The following TRIM34 variants were observed in gnomAD, a reference collection of about 807,000 sequenced individuals.
TRIM34 encodes tripartite motif containing 34.
Under a neutral mutation model 38.1 loss-of-function variants are expected in TRIM34, and 41 were observed. The ratio of observed to expected loss-of-function variants is 1.08; its 90% CI spans 0.84 to 1.40. The LOEUF is 1.40. Among genes scored for constraint, TRIM34 ranks in the 40% most tolerant of loss-of-function variants. TRIM34 has a pLI of 0.00. For synonymous variants in TRIM34, 200 were observed against 202.5 expected (o/e 0.99, Z 0.10); for missense variants, 556 against 571.4 (o/e 0.97, Z 0.27).
intron 6 of TRIM34, 23 bp from the exon 7 acceptor site, chr11:5,642,794 C>T: frequency 6.2e-7 from 1 of 1,613,882 alleles, no homozygotes; most frequent in Non-Finnish European, 8.5e-7. Context: ...TAATCAGCAT[C>T]ACTGAATCTT....
chr11:5,635,890 T>C (rs1286269453), intron 4 of TRIM34, among the ~76,000 whole-genome samples: 1 of 152,208 alleles, frequency 6.6e-6, no homozygotes, highest in Non-Finnish European at 1.5e-5. Flanking sequence ...CAATACCAAG[T>C]GTTTGGGAAG....
Position 5,643,498 on chromosome 11 carries a change from C to G in TRIM34, c.1256C>G (p.Pro419Arg). Residue 419 changes from proline (P) to arginine (R), a missense_variant, in exon 8 of 8, where the codon CCC becomes CGC. By Grantham distance (103) the Pro-to-Arg change is moderately radical (BLOSUM62 -2). Coordinates refer to ENST00000429814, the MANE Select transcript of TRIM34 (RefSeq NM_021616.6). The part of the protein sequence containing the change: ...GVFEESLSSD[P>R]EVLTLSMAVP... The stretch of plus-strand genomic sequence containing the variant: ...TTTGAAGAGTCTTTGTCCTCTGATC[C>G]CGAGGTTTTGACTCTCTCCATGGCT... The G allele has an allele frequency of 6.2e-7, 1 of 1,614,074 alleles. No homozygotes were observed. Among genetic ancestry groups the G allele is most frequent in the Non-Finnish European group, 8.5e-7 (1 of 1,180,006 alleles).
At chr11:5,622,334 A>C (rs187517419), upstream of TRIM34, among the ~76,000 whole-genome samples, 132 of 152,150 alleles carry the variant, frequency 8.7e-4, no homozygotes, top group African/African-American at 2.6e-3. Flanking sequence ...AGTCCCGGCT[A>C]CTTGGGAGGC....
At chr11:5,639,270 G>T (rs1310279245) in intron 4 of TRIM34, among the ~76,000 whole-genome samples, 2 of 152,106 alleles carry the variant, frequency 1.3e-5, no homozygotes, top group African/African-American at 2.4e-5. Context: ...GAAACTGATT[G>T]TTCTGGTTGC....
intron 4 of TRIM34, among the ~76,000 whole-genome samples, chr11:5,636,299 T>C (rs1849731872): frequency 6.6e-6 from 1 of 152,196 alleles, no homozygotes; most frequent in African/African-American, 2.4e-5. Flanking sequence ...ATTCCATTTA[T>C]ATGAAAGTCT....
intron 1 of TRIM34, among the ~76,000 whole-genome samples, chr11:5,629,155 T>C (rs1053626610): frequency 2.0e-5 from 3 of 152,108 alleles, no homozygotes; most frequent in African/African-American, 7.2e-5. Context: ...CATACACCTG[T>C]AATCCCAGCT....
upstream of TRIM34, among the ~76,000 whole-genome samples, chr11:5,623,954 AT>A (rs1458005075): frequency 6.6e-6 from 1 of 152,172 alleles, no homozygotes; most frequent in Admixed American, 6.5e-5. Context: ...GTAGACTAGG[AT>A]TGTTTTGATG....
chr11:5,623,627 G>A (rs951026896), upstream of TRIM34, among the ~76,000 whole-genome samples: 5 of 149,020 alleles, frequency 3.4e-5, no homozygotes, highest in Non-Finnish European at 7.4e-5. Context: ...TGATCCGCCC[G>A]CCTCAACCTC....
chr11:5,643,862 G>A lies in TRIM34; in HGVS notation c.*153G>A. On this transcript the variant is annotated 3_prime_UTR_variant, in exon 8 of 8. Coordinates refer to ENST00000429814, the MANE Select transcript of TRIM34 (RefSeq NM_021616.6). ...GTATGGTGTATTTGGCTTGAGTTAT[G>A]AGAGATGCTTATTTATTCATTTACT... 1.0e-6 allele frequency: 1 copy of A among 985,664 alleles called. No individual in the cohort carries two copies. The highest frequency in any genetic ancestry group is 1.5e-6 in the Non-Finnish European group (1 of 684,126). 61.1% of individuals were successfully genotyped at this position (985,664 alleles called of 1,614,324 possible). A position where few individuals can be genotyped will look rare whatever the true frequency, so the allele number is the denominator to read the frequency against.
At chr11:5,637,753 C>T (rs1231390638) in intron 4 of TRIM34, among the ~76,000 whole-genome samples, 1 of 152,196 alleles carries the variant, frequency 6.6e-6, no homozygotes, top group Non-Finnish European at 1.5e-5. Context: ...TCCCTTTGGT[C>T]ACCACTGCTC....
At chr11:5,630,516 A>G (rs891625111) in intron 1 of TRIM34, among the ~76,000 whole-genome samples, 1 of 152,214 alleles carries the variant, frequency 6.6e-6, no homozygotes, top group Non-Finnish European at 1.5e-5. Context: ...GGCTTTTTGC[A>G]TATCAGCCAC....
intron 4 of TRIM34, among the ~76,000 whole-genome samples, chr11:5,640,381 A>G (rs1266638772): frequency 2.6e-5 from 4 of 151,710 alleles, no homozygotes; most frequent in Admixed American, 1.3e-4. Flanking sequence ...TTTCATGTCT[A>G]TTGAGATCAT....
intron 1 of TRIM34, among the ~76,000 whole-genome samples, chr11:5,629,103 C>G (rs771141735): frequency 6.6e-6 from 1 of 152,024 alleles, no homozygotes; most frequent in Non-Finnish European, 1.5e-5. Flanking sequence ...ATGGTGAAAC[C>G]CCGTCTCTAC....
intron 1 of TRIM34, among the ~76,000 whole-genome samples, chr11:5,625,511 G>C (rs1849172303): frequency 6.6e-6 from 1 of 152,186 alleles, no homozygotes. Flanking sequence ...TTAGCTCCTA[G>C]TATGTGGCGT....
At position 5,643,256 on chromosome 11, in the gene TRIM34, C is replaced by T. The variant is rs990617386; in HGVS notation, c.1014C>T (p.Val338=). 1 of 1,613,846 alleles carries T rather than the reference C, an allele frequency of 6.2e-7. No individual in the cohort carries two copies. Among genetic ancestry groups the T allele is most frequent in the Non-Finnish European group, 8.5e-7 (1 of 1,179,974 alleles). Residue 338 remains valine (V), a synonymous_variant, in exon 8 of 8, where the codon GTC becomes GTT. Transcript: ENST00000429814. ...CTTTTCAGTGTTATAATTATGGTGT[C>T]TTGGGATCCCAATATTTCTCCTCTG... ...IWPFQCYNYG[V]LGSQYFSSGK...
chr11:5,632,993 ATT>A (rs147651925), intron 2 of TRIM34, among the ~76,000 whole-genome samples: 99,194 of 122,034 alleles, frequency 0.81, 39,955 homozygotes, highest in East Asian at 0.97. Context: ...CGCCTGGCTA[ATT>A]TTTTTTTTTT....
chr11:5,622,715 C>G (rs547134184), upstream of TRIM34, among the ~76,000 whole-genome samples: 1 of 152,252 alleles, frequency 6.6e-6, no homozygotes, highest in East Asian at 1.9e-4. Flanking sequence ...AACTGATGGG[C>G]TAAGGTAATA....
chr11:5,641,274 T>C (rs1358194837), intron 5 of TRIM34, 85 bp downstream of exon 5: 1 of 1,600,862 alleles, frequency 6.2e-7, no homozygotes, highest in Admixed American at 1.7e-5. Context: ...TCAATTGGAA[T>C]AAAAAATCTC....
At chr11:5,628,777 A>G (rs1385041672) in intron 1 of TRIM34, among the ~76,000 whole-genome samples, 1 of 151,826 alleles carries the variant, frequency 6.6e-6, no homozygotes, top group East Asian at 1.9e-4. Context: ...GGAGCCCAGA[A>G]GTCCAAAACC....
Sources: gnomAD v4.1 joint callset for allele counts (sites outside exome capture counted in the v4.1 genomes callset) on GRCh38, gnomAD v4.1.1 for gene constraint, MANE v1.5 for transcripts, NCBI Gene and HGNC (gene_info 2026-07-23, HGNC 2026-07-21) for gene names.